Variants in VAV1 observed in about 807,000 individuals in gnomAD.
VAV1 encodes the protein vav guanine nucleotide exchange factor 1, also known as proto-oncogene vav.
A neutral mutation model predicts 128.1 loss-of-function variants in VAV1; 33 were observed. That is an observed-to-expected ratio of 0.26 (90% confidence interval 0.20 to 0.34). VAV1 has a LOEUF of 0.34. Among genes scored for constraint, VAV1 ranks in the 10% least tolerant of loss-of-function variants. VAV1 has a pLI of 1.00. For synonymous variants in VAV1, 394 were observed against 409.8 expected (o/e 0.96, Z 0.47); for missense variants, 715 against 1,093.7 (o/e 0.65, Z 4.88).
At chr19:6,849,077 C>T (rs1220093581) in intron 23 of VAV1, among the ~76,000 whole-genome samples, 1 of 148,384 alleles carries the variant, frequency 6.7e-6, no homozygotes, top group Non-Finnish European at 1.5e-5. Context: ...TGAGCCACTA[C>T]ATCCCACCTA....
intron 1 of VAV1, among the ~76,000 whole-genome samples, chr19:6,813,476 A>G (rs931756330): frequency 1.3e-5 from 2 of 152,216 alleles, no homozygotes; most frequent in Admixed American, 1.3e-4. Context: ...ATCTTAACTT[A>G]TGTATGAATA....
intron 1 of VAV1, among the ~76,000 whole-genome samples, chr19:6,804,872 C>T (rs989997308): frequency 2.2e-4 from 34 of 151,730 alleles, no homozygotes; most frequent in African/African-American, 5.8e-4. Flanking sequence ...TACAGGCGCC[C>T]GCCACCATGC....
At chr19:6,840,431 G>A (rs1414531451) in intron 21 of VAV1, among the ~76,000 whole-genome samples, 5 of 150,740 alleles carry the variant, frequency 3.3e-5, no homozygotes, top group Non-Finnish European at 5.9e-5. Context: ...TCAGCCTCCC[G>A]AGTAGCTGGG....
chr19:6,802,384 A>C (rs1389060700), intron 1 of VAV1, among the ~76,000 whole-genome samples: 2 of 152,016 alleles, frequency 1.3e-5, no homozygotes, highest in Non-Finnish European at 2.9e-5. Flanking sequence ...GTCCTTTGCC[A>C]CTTTCTCACA....
At chr19:6,821,958 A>T (rs1446382723) in intron 4 of VAV1, 99 bp downstream of exon 4, 1 of 1,506,092 alleles carries the variant, frequency 6.6e-7, no homozygotes, top group African/African-American at 1.4e-5. Flanking sequence ...AAATAAGGTC[A>T]TACCCTGGTG....
chr19:6,791,325 C>T (rs911972737), intron 1 of VAV1, among the ~76,000 whole-genome samples: 1 of 152,322 alleles, frequency 6.6e-6, no homozygotes, highest in East Asian at 1.9e-4. Flanking sequence ...GTTATTTCCT[C>T]ATCTCGAGGT....
intron 1 of VAV1, among the ~76,000 whole-genome samples, chr19:6,798,659 T>TCCCCCCCCCCC: frequency 6.9e-6 from 1 of 145,328 alleles, no homozygotes; most frequent in Admixed American, 6.9e-5. Flanking sequence ...TTTCTCCCCT[T>TCCCCCCCCCCC]CCCCCCCCCA....
intron 1 of VAV1, among the ~76,000 whole-genome samples, chr19:6,812,049 G>A (rs528017561): frequency 1.6e-4 from 25 of 152,290 alleles, no homozygotes; most frequent in African/African-American, 5.5e-4. Flanking sequence ...TATGACAAAT[G>A]CTCCTATTCT....
At chr19:6,843,448 G>A (rs148470055) in intron 22 of VAV1, among the ~76,000 whole-genome samples, 320 of 152,286 alleles carry the variant, frequency 2.1e-3, no homozygotes, top group Middle Eastern at 3.4e-3. Flanking sequence ...TGATGGTAAT[G>A]ACAGTTCCAG....
At chr19:6,852,854 G>A in intron 24 of VAV1, 111 bp from the exon 25 acceptor site, 1 of 771,190 alleles carries the variant, frequency 1.3e-6, no homozygotes, top group Admixed American at 2.5e-5. Flanking sequence ...TTCCAAAGAG[G>A]CCAGAAACAG....
In VAV1 at chr19:6,828,570, G is replaced by A. The variant is rs1020643957; in HGVS notation, c.1093-52G>A. ...CTGATCCTCTAGCCGGGATTAGGTA[G>A]GAGCCTGGGTCGGCTGTTGGGGGGC... On this transcript the variant is annotated intron_variant, in intron 11 of 26. Transcript: ENST00000602142. The surrounding 1 kb of genome is among the most constrained non-coding windows in gnomAD (Gnocchi z 4.5). 4 of 1,613,496 alleles carry A rather than the reference G, an allele frequency of 2.5e-6. No homozygotes were observed. The highest frequency in any genetic ancestry group is 1.6e-4 in the Middle Eastern group (1 of 6,082).
chr19:6,813,782 G>A (rs73484421), intron 1 of VAV1, among the ~76,000 whole-genome samples: 18,545 of 151,998 alleles, frequency 0.12, 1,355 homozygotes, highest in African/African-American at 0.19. Flanking sequence ...GGCTGGGTGC[G>A]GTGGCTCATA....
At position 6,784,259 on chromosome 19, in the gene VAV1, AAT is replaced by A. The variant is rs1327246510; in HGVS notation, c.204+11253_204+11254del. The A allele has an allele frequency of 1.1e-5, 7 of 640,846 alleles. No homozygotes were observed. The Admixed American group carries it at 1.5e-4, about 14-fold the overall frequency. 39.7% of individuals were successfully genotyped at this position (640,846 alleles called of 1,614,324 possible). A position where few individuals can be genotyped will look rare whatever the true frequency, so the allele number is the denominator to read the frequency against. On this transcript the variant is annotated intron_variant, in intron 1 of 26. Coordinates refer to ENST00000602142, the MANE Select transcript of VAV1 (RefSeq NM_005428.4). ...ACAAAAGAGTAAGACCCTGTCTCTA[AAT>A]ATATCTATGCAGGTCTGTGGAAATC...
chr19:6,827,901 G>A (rs1425697140), intron 9 of VAV1, among the ~76,000 whole-genome samples, 175 bp from the exon 10 acceptor site: 1 of 152,032 alleles, frequency 6.6e-6, no homozygotes, highest in East Asian at 1.9e-4. Context: ...CCACCTCATG[G>A]AGTCCTTTTC....
intron 22 of VAV1, among the ~76,000 whole-genome samples, chr19:6,846,854 T>C (rs1972535288): frequency 6.8e-6 from 1 of 148,056 alleles, no homozygotes; most frequent in East Asian, 1.9e-4. Context: ...CTATTATTTA[T>C]ATTGAATATT....
chr19:6,828,282 G>T lies in VAV1; in HGVS notation c.1023+111G>T. 1 of 1,495,708 alleles carries T rather than the reference G, an allele frequency of 6.7e-7. No homozygotes were observed. The highest frequency in any genetic ancestry group is 9.2e-7 in the Non-Finnish European group (1 of 1,087,532). 92.7% of individuals were successfully genotyped at this position (1,495,708 alleles called of 1,614,324 possible). A position where few individuals can be genotyped will look rare whatever the true frequency, so the allele number is the denominator to read the frequency against. ...TGGGTCTCTAGGACGCTCGGGGATG[G>T]GTCACTGGGGTCATGTCTCAGCCTC... On this transcript the variant is annotated intron_variant, in intron 10 of 26. Transcript: ENST00000602142. The surrounding 1 kb of genome is among the most constrained non-coding windows in gnomAD (Gnocchi z 4.5).
At position 6,833,934 on chromosome 19, in the gene VAV1, C is replaced by T; in HGVS notation, c.1758C>T (p.Asp586=). ...ACAAACTACATCGCAGGGCTCAGGACAAAAAGAGGAATGAGCTGGGTGAGT... is the reference window on the plus strand; with the variant it reads ...ACAAACTACATCGCAGGGCTCAGGATAAAAAGAGGAATGAGCTGGGTGAGT... ...KKDKLHRRAQ[D]KKRNELGLPK... is the part of the protein sequence containing the mutation. Residue 586 remains aspartate, a synonymous_variant, in exon 19 of 27, where the codon GAC becomes GAT. Coordinates refer to ENST00000602142, the MANE Select transcript of VAV1 (RefSeq NM_005428.4). The T allele has an allele frequency of 1.9e-6, 3 of 1,613,924 alleles. No homozygotes were observed. The highest frequency in any genetic ancestry group is 3.3e-5 in the Admixed American group (2 of 59,978).
Position 6,830,022 on chromosome 19 carries a change from T to C in VAV1, c.1398+104T>C, listed in dbSNP as rs150380298. The C allele has an allele frequency of 5.9e-4, 910 of 1,551,404 alleles. 8 individuals carry two copies. In the African/African-American group the frequency reaches 0.011, roughly 19 times the overall value. The stretch of plus-strand genomic sequence containing the variant: ...TTGCCAGACTACATCTACATGGAAG[T>C]GTGTGTTAATCCACTCAACAGGTGT... On this transcript the variant is annotated intron_variant, in intron 14 of 26. Coordinates refer to ENST00000602142, the MANE Select transcript of VAV1 (RefSeq NM_005428.4).
intron 1 of VAV1, among the ~76,000 whole-genome samples, chr19:6,799,844 CAAAA>C (rs60826995): frequency 4.1e-5 from 2 of 48,960 alleles, no homozygotes; most frequent in African/African-American, 6.2e-5. Flanking sequence ...GAGACTGTCT[CAAAA>C]AAAAAAAAAA....
Sources: gnomAD v4.1 joint callset for allele counts (sites outside exome capture counted in the v4.1 genomes callset) on GRCh38, gnomAD v4.1.1 for gene constraint, Gnocchi (gnomAD v3.1) non-coding constraint, MANE v1.5 for transcripts, NCBI Gene and HGNC (gene_info 2026-07-23, HGNC 2026-07-21) for gene names.